Variants in EML6 observed in about 807,000 individuals in gnomAD.
EML6 encodes EMAP like 6.
A neutral mutation model predicts 240.1 loss-of-function variants in EML6; 154 were observed. The ratio of observed to expected loss-of-function variants is 0.64; its 90% CI spans 0.56 to 0.73. The LOEUF is 0.73. Among genes scored for constraint, EML6 ranks in the 30% least tolerant of loss-of-function variants. EML6 has a pLI of 0.00. For missense variants in EML6, 2,964 were observed against 2,474.6 expected, an observed-to-expected ratio of 1.20 and a Z score of -4.20; for synonymous variants, 1,148 against 899.0, an observed-to-expected ratio of 1.28 and a Z score of -4.95.
At chr2:54,825,658 C>G (rs377742481) in intron 5 of EML6, among the ~76,000 whole-genome samples, 1 of 152,166 alleles carries the variant, frequency 6.6e-6, no homozygotes, top group Non-Finnish European at 1.5e-5. Flanking sequence ...AGAAGAGAAT[C>G]CGATTTGGTC....
At chr2:54,961,731 G>A (rs1676524961) in intron 35 of EML6, among the ~76,000 whole-genome samples, 1 of 151,924 alleles carries the variant, frequency 6.6e-6, no homozygotes, top group South Asian at 2.1e-4. Context: ...GGCCAGGCAT[G>A]GTGGCTCACA....
At chr2:54,745,089 C>T (rs148661029) in intron 2 of EML6, among the ~76,000 whole-genome samples, 4,135 of 152,040 alleles carry the variant, frequency 0.027, 156 homozygotes, top group Admixed American at 0.12. Flanking sequence ...ATGCTGGAGG[C>T]GAGTCTTTAA....
In EML6 at chr2:54,964,075, T is replaced by C. The variant is rs1323898704; in HGVS notation, c.5247T>C (p.Asn1749=). 1 of 1,551,696 alleles carries C rather than the reference T, an allele frequency of 6.4e-7. No homozygotes were observed. The highest frequency in any genetic ancestry group is 2.0e-5 in the Admixed American group (1 of 51,000). The change falls in exon 37 of 42, where the codon AAT becomes AAC. Residue 1749 remains asparagine, a synonymous_variant. Coordinates refer to ENST00000356458, the MANE Select transcript of EML6 (RefSeq NM_001039753.4). ...AGATGGTGGCCATTGGCATGAAGAA[T>C]GGAGAGTTTGTCATCTTGTTGGTGA... ...DGEMVAIGMK[N]GEFVILLVNS...
chr2:54,735,309 A>G (rs1324811810), intron 2 of EML6, among the ~76,000 whole-genome samples: 1 of 152,212 alleles, frequency 6.6e-6, no homozygotes, highest in Admixed American at 6.5e-5. Context: ...CCCTGTGCCT[A>G]GCACCTTGTC....
chr2:54,734,355 GAT>G (rs1203553214), intron 2 of EML6, among the ~76,000 whole-genome samples: 2 of 152,164 alleles, frequency 1.3e-5, no homozygotes, highest in Admixed American at 6.5e-5. Flanking sequence ...AAAAATTGGT[GAT>G]ATGATATATC....
intron 2 of EML6, among the ~76,000 whole-genome samples, chr2:54,806,645 G>A (rs1012406115): frequency 0.046 from 3,708 of 80,400 alleles, no homozygotes; most frequent in Non-Finnish European, 0.073. Context: ...AAAAAAAAAA[G>A]AATGTCCGTT....
Position 54,962,604 on chromosome 2 carries a change from G to A in EML6, c.5050G>A (p.Gly1684Ser), listed in dbSNP as rs1019063149. ...KNAASNILID[G>S]HMEGEIWGLA... ...TGCTGCTTCTAACATCCTGATTGAT[G>A]GTCACATGGAAGGGGAGATCTGGGG... The change falls in exon 36 of 42, where the codon GGT (glycine) becomes AGT (serine). Residue 1684 changes from glycine to serine, a missense_variant. Coordinates refer to ENST00000356458, the MANE Select transcript of EML6 (RefSeq NM_001039753.4). 3.9e-6 allele frequency: 6 copies of A among 1,549,106 alleles called. No homozygotes were observed. The African/African-American group carries it at 6.9e-5, about 18-fold the overall frequency.
chr2:54,928,314 G>T lies in EML6; in HGVS notation c.3677G>T (p.Gly1226Val). Residue 1226 changes from glycine (G) to valine (V), a missense_variant and splice_region_variant, in exon 27 of 42, where the codon GGA becomes GTA. By Grantham distance (109) the Gly-to-Val change is moderately radical (BLOSUM62 -3). Transcript: ENST00000356458. ...FVKLFSYPVK[G>V]QHARFKKYVG... Reference sequence around the variant, plus strand: ...AATAACCAATTTCGGGCTTTACAGGGACAGCACGCAAGATTCAAGAAGTAT... The same window carrying T: ...AATAACCAATTTCGGGCTTTACAGGTACAGCACGCAAGATTCAAGAAGTAT... The T allele has an allele frequency of 6.4e-7, 1 of 1,551,722 alleles. No individual in the cohort carries two copies. Among genetic ancestry groups the T allele is most frequent in the Middle Eastern group, 1.7e-4 (1 of 5,988 alleles).
chr2:54,754,729 G>C (rs114475712), intron 2 of EML6, among the ~76,000 whole-genome samples: 3 of 151,838 alleles, frequency 2.0e-5, no homozygotes, highest in African/African-American at 7.3e-5. Flanking sequence ...GTGCTGTCTG[G>C]GTCCTGTTAA....
intron 17 of EML6, among the ~76,000 whole-genome samples, chr2:54,889,995 A>G (rs890557421): frequency 6.6e-6 from 1 of 152,272 alleles, no homozygotes; most frequent in Admixed American, 6.5e-5. Context: ...GGGTTTCTCA[A>G]TGACAAAGTA....
chr2:54,820,139 A>T, intron 4 of EML6, among the ~76,000 whole-genome samples: 1 of 152,204 alleles, frequency 6.6e-6, no homozygotes, highest in Middle Eastern at 3.2e-3. Flanking sequence ...GGACAAAATT[A>T]AAAATATGAC....
chr2:54,940,116 C>G (rs1362436156), intron 28 of EML6, among the ~76,000 whole-genome samples: 1 of 152,182 alleles, frequency 6.6e-6, no homozygotes, highest in African/African-American at 2.4e-5. Context: ...AATGGTGGTG[C>G]CCTTACCTGT....
intron 2 of EML6, among the ~76,000 whole-genome samples, chr2:54,792,006 T>C (rs186578660): frequency 4.6e-5 from 7 of 152,372 alleles, no homozygotes; most frequent in Admixed American, 6.5e-5. Context: ...GCAAGCTCTT[T>C]AGAAGCTTCC....
At chr2:54,889,701 CAT>C (rs1454397258) in intron 17 of EML6, among the ~76,000 whole-genome samples, 2 of 152,036 alleles carry the variant, frequency 1.3e-5, no homozygotes, top group East Asian at 1.9e-4. Context: ...ATTTTTTAGA[CAT>C]ATATCCTTTG....
intron 2 of EML6, among the ~76,000 whole-genome samples, chr2:54,777,737 C>A (rs942548433): frequency 6.6e-6 from 1 of 152,142 alleles, no homozygotes; most frequent in Non-Finnish European, 1.5e-5. Context: ...GAGCCCTTTC[C>A]ATGGCTGGGT....
At chr2:54,736,225 G>A (rs1264189581) in intron 2 of EML6, among the ~76,000 whole-genome samples, 1 of 152,250 alleles carries the variant, frequency 6.6e-6, no homozygotes, top group African/African-American at 2.4e-5. Context: ...CAAGGCAAGA[G>A]AAGGCCAATT....
intron 2 of EML6, among the ~76,000 whole-genome samples, chr2:54,776,018 G>A (rs572098047): frequency 3.9e-5 from 6 of 152,118 alleles, no homozygotes; most frequent in Non-Finnish European, 5.9e-5. Flanking sequence ...ATATTGGCAA[G>A]TAAGAATGGT....
At chr2:54,841,192 C>G (rs972670643) in intron 7 of EML6, among the ~76,000 whole-genome samples, 18 of 152,270 alleles carry the variant, frequency 1.2e-4, no homozygotes, top group African/African-American at 4.1e-4. Flanking sequence ...GACATCCTGA[C>G]TGCTTTCACC....
chr2:54,910,870 A>G, intron 24 of EML6, 84 bp from the exon 25 acceptor site: 1 of 664,264 alleles, frequency 1.5e-6, no homozygotes. Flanking sequence ...AAAATGAATC[A>G]AAATAGCACC....
Sources: gnomAD v4.1 joint callset for allele counts (sites outside exome capture counted in the v4.1 genomes callset) on GRCh38, gnomAD v4.1.1 for gene constraint, MANE v1.5 for transcripts, NCBI Gene and HGNC (gene_info 2026-07-23, HGNC 2026-07-21) for gene names.